Variants in SP4 observed in about 807,000 individuals in gnomAD.
SP4 encodes the protein Sp4 transcription factor, also known as transcription factor Sp4.
In SP4, 19 loss-of-function variants were observed where a neutral mutation model predicts 72.8. The observed-to-expected ratio is 0.26, with a 90% confidence interval of 0.18 to 0.38. SP4 has a LOEUF of 0.38. Ranked by LOEUF, SP4 falls within the 10% of genes least tolerant of loss-of-function variation. SP4 has a pLI of 1.00. For missense variants in SP4, 1,008 were observed against 926.3 expected (o/e 1.09, Z -1.14); for synonymous variants, 395 against 333.1 (o/e 1.19, Z -2.02).
At chr7:21,465,439 T>C (rs1367890518) in intron 3 of SP4, among the ~76,000 whole-genome samples, 1 of 152,194 alleles carries the variant, frequency 6.6e-6, no homozygotes, top group Non-Finnish European at 1.5e-5. Flanking sequence ...TGCCACTTAA[T>C]AGCAGCTATG....
chr7:21,450,639 A>G (rs1189263605), intron 3 of SP4, among the ~76,000 whole-genome samples: 1 of 152,212 alleles, frequency 6.6e-6, no homozygotes, highest in Non-Finnish European at 1.5e-5. Context: ...TAGGTTAAGG[A>G]AATACATTCT....
In SP4 at chr7:21,513,809, A is replaced by G. The variant is rs1478299586; in HGVS notation, c.*2540A>G. ...ATCTAGATAGCTTTATAGCATATAAAATATGTTAATTTGTGTTAGCAGGTG... is the reference window on the plus strand; with the variant it reads ...ATCTAGATAGCTTTATAGCATATAAGATATGTTAATTTGTGTTAGCAGGTG... On this transcript the variant is annotated 3_prime_UTR_variant, in exon 6 of 6. Transcript: ENST00000222584. 6.6e-6 allele frequency: 1 copy of G among 152,222 alleles called. No individual in the cohort carries two copies. The highest frequency in any genetic ancestry group is 1.5e-5 in the Non-Finnish European group (1 of 68,010). 9.4% of individuals were successfully genotyped at this position (152,222 alleles called of 1,614,324 possible).
rs111252348 is a variant in SP4 at position 21,454,375 on chromosome 7, T to C, written c.1679-22704T>C. ...ACTAACTTTTTTTTTTTTTACAACT[T>C]ACACAGACCATCTACAACATACTTG... is the stretch of plus-strand genomic sequence containing the variant. On this transcript the variant is annotated intron_variant, in intron 3 of 5. Transcript: ENST00000222584. Among the ~76,000 whole-genome samples the C allele has an allele frequency of 4.0e-3, 580 of 145,506 alleles. 3 individuals are homozygous for C. Among genetic ancestry groups the C allele is most frequent in the African/African-American group, 0.013 (524 of 39,810 alleles).
intron 5 of SP4, among the ~76,000 whole-genome samples, chr7:21,495,537 A>G (rs77175134): frequency 3.2e-3 from 487 of 152,290 alleles, no homozygotes; most frequent in African/African-American, 0.011. Flanking sequence ...CCATAATGCA[A>G]TACTACTGTA....
At chr7:21,495,224 T>G (rs2128414641) in intron 5 of SP4, among the ~76,000 whole-genome samples, 1 of 151,982 alleles carries the variant, frequency 6.6e-6, no homozygotes, top group South Asian at 2.1e-4. Flanking sequence ...AAAGAAAAAA[T>G]CAGTAAATAG....
intron 3 of SP4, among the ~76,000 whole-genome samples, chr7:21,471,570 G>C (rs2282895): frequency 0.5 from 76,102 of 152,060 alleles, 19,698 homozygotes; most frequent in Middle Eastern, 0.66. Context: ...GCCATGGCTT[G>C]TGCCTATAGT....
intron 3 of SP4, among the ~76,000 whole-genome samples, chr7:21,463,126 T>C (rs987721147): frequency 6.6e-6 from 1 of 151,958 alleles, no homozygotes; most frequent in Non-Finnish European, 1.5e-5. Context: ...AAAGTGCTTC[T>C]AAAATGAGAT....
At chr7:21,507,171 C>T (rs1283062445) in intron 5 of SP4, among the ~76,000 whole-genome samples, 1 of 152,118 alleles carries the variant, frequency 6.6e-6, no homozygotes, top group East Asian at 1.9e-4. Context: ...AGTGGATCTT[C>T]TAGGAGTGGT....
chr7:21,484,223 C>T (rs530455033), intron 5 of SP4, among the ~76,000 whole-genome samples: 4 of 151,940 alleles, frequency 2.6e-5, no homozygotes, highest in African/African-American at 4.8e-5. Flanking sequence ...TTCTAGATTT[C>T]GGATTTTTTC....
At chr7:21,431,962 GA>G (rs2128389539) in intron 3 of SP4, among the ~76,000 whole-genome samples, 1 of 152,338 alleles carries the variant, frequency 6.6e-6, no homozygotes, top group Non-Finnish European at 1.5e-5. Context: ...TAAATTGCCA[GA>G]TAAAGCCTTC....
intron 3 of SP4, among the ~76,000 whole-genome samples, chr7:21,452,550 T>C (rs554305842): frequency 1.3e-5 from 2 of 152,302 alleles, no homozygotes; most frequent in East Asian, 1.9e-4. Flanking sequence ...TTTCTTGGCT[T>C]TATAAGTCAA....
chr7:21,449,069 C>T (rs370596065), intron 3 of SP4, among the ~76,000 whole-genome samples: 8 of 152,172 alleles, frequency 5.3e-5, no homozygotes, highest in African/African-American at 1.7e-4. Context: ...ATCCTAACCA[C>T]CTCCTATATT....
At chr7:21,504,279 A>G (rs140489695) in intron 5 of SP4, among the ~76,000 whole-genome samples, 2 of 152,138 alleles carry the variant, frequency 1.3e-5, no homozygotes, top group South Asian at 4.1e-4. Flanking sequence ...TTCCCCTGCT[A>G]TTTATTAGAC....
intron 3 of SP4, among the ~76,000 whole-genome samples, chr7:21,474,385 A>G (rs187002735): frequency 8.5e-4 from 130 of 152,352 alleles, no homozygotes; most frequent in Middle Eastern, 6.8e-3. Context: ...CTCCATAGGG[A>G]CCATGCTGTA....
At chr7:21,439,883 A>G (rs1235449734) in intron 3 of SP4, among the ~76,000 whole-genome samples, 1 of 152,200 alleles carries the variant, frequency 6.6e-6, no homozygotes, top group Non-Finnish European at 1.5e-5. Flanking sequence ...TCTGGGTGAG[A>G]GAGTGAGACC....
chr7:21,472,626 A>AT (rs1195301538), intron 3 of SP4, among the ~76,000 whole-genome samples: 1 of 151,908 alleles, frequency 6.6e-6, no homozygotes, highest in Non-Finnish European at 1.5e-5. Flanking sequence ...ATAAATTTAG[A>AT]TTTAAGTGCT....
intron 5 of SP4, among the ~76,000 whole-genome samples, chr7:21,508,228 C>T (rs1782054278): frequency 6.6e-6 from 1 of 152,094 alleles, no homozygotes; most frequent in African/African-American, 2.4e-5. Context: ...CAGACAGGCC[C>T]CCAGGTTTGT....
At chr7:21,464,877 T>C in intron 3 of SP4, among the ~76,000 whole-genome samples, 1 of 152,264 alleles carries the variant, frequency 6.6e-6, no homozygotes, top group East Asian at 1.9e-4. Context: ...GAAGTAGCTT[T>C]AAAACTTTTT....
chr7:21,453,164 A>G (rs1006838625), intron 3 of SP4, among the ~76,000 whole-genome samples: 1 of 152,262 alleles, frequency 6.6e-6, no homozygotes, highest in African/African-American at 2.4e-5. Flanking sequence ...GCAAAAAGTC[A>G]TAAAAGGATT....
Sources: allele counts gnomAD v4.1 joint callset (sites outside exome capture counted in the v4.1 genomes callset), GRCh38; gene constraint gnomAD v4.1.1; transcripts MANE v1.5; gene names NCBI Gene and HGNC (gene_info 2026-07-23, HGNC 2026-07-21).